Variants in PIP5K1A observed in about 807,000 individuals in gnomAD.
PIP5K1A encodes phosphatidylinositol-4-phosphate 5-kinase type 1 alpha.
Under a neutral mutation model 72.9 loss-of-function variants are expected in PIP5K1A, and 46 were observed. That is an observed-to-expected ratio of 0.63 (90% CI 0.50 to 0.81). The LOEUF (loss-of-function observed/expected upper bound fraction) is 0.81, where lower values mean the gene tolerates loss of function less well. PIP5K1A is among the 30% of genes least tolerant of loss of function. PIP5K1A has a pLI of 0.00. For missense variants in PIP5K1A, 458 were observed against 706.1 expected (o/e 0.65, Z 3.98); for synonymous variants, 228 against 255.1 (o/e 0.89, Z 1.01).
chr1:151,203,987 T>C (rs1685574660), intron 1 of PIP5K1A, among the ~76,000 whole-genome samples: 1 of 152,160 alleles, frequency 6.6e-6, no homozygotes, highest in South Asian at 2.1e-4. Context: ...GCTGCTTACC[T>C]GACTTTTTCT....
chr1:151,232,182 T>C (rs1308506546), intron 5 of PIP5K1A, 66 bp from the exon 6 acceptor site: 2 of 1,074,278 alleles, frequency 1.9e-6, no homozygotes, highest in Non-Finnish European at 2.9e-6. Context: ...CTGAGTGTCT[T>C]CGCAAGGTAG....
At chr1:151,224,983 G>A (rs1304780501) in intron 3 of PIP5K1A, among the ~76,000 whole-genome samples, 1 of 152,120 alleles carries the variant, frequency 6.6e-6, no homozygotes, top group African/African-American at 2.4e-5. Context: ...TATACTGAGA[G>A]TTTTCTGGTA....
intron 3 of PIP5K1A, among the ~76,000 whole-genome samples, chr1:151,226,571 G>A (rs146024665): frequency 1.8e-4 from 27 of 151,874 alleles, no homozygotes; most frequent in African/African-American, 5.8e-4. Flanking sequence ...AAATTAGCTG[G>A]GTGTGGTGGT....
intron 14 of PIP5K1A, among the ~76,000 whole-genome samples, chr1:151,244,789 C>T (rs932682248): frequency 6.6e-6 from 1 of 152,170 alleles, no homozygotes; most frequent in African/African-American, 2.4e-5. Flanking sequence ...ACCAGTCCCC[C>T]ACAGATATTG....
chr1:151,243,833 C>G (rs942235698), intron 14 of PIP5K1A, among the ~76,000 whole-genome samples: 18 of 152,084 alleles, frequency 1.2e-4, no homozygotes, highest in African/African-American at 4.1e-4. Context: ...GGGATTTACT[C>G]CATTAGACAA....
chr1:151,224,355 T>G lies in PIP5K1A; in HGVS notation c.121-16T>G, dbSNP rs749634205. On this transcript the variant is annotated splice_polypyrimidine_tract_variant and intron_variant, in intron 2 of 15. Transcript: ENST00000368888. ...AAGGAACCTGTTTATGACATTTTTATTTTTTCTCTACTTAGGTCTTGGAAG... is the reference window on the plus strand; with the variant it reads ...AAGGAACCTGTTTATGACATTTTTAGTTTTTCTCTACTTAGGTCTTGGAAG... 1 of 1,610,582 alleles carries G rather than the reference T, an allele frequency of 6.2e-7. No homozygotes were observed. Among genetic ancestry groups the G allele is most frequent in the Admixed American group, 1.7e-5 (1 of 60,002 alleles).
rs587624278 is a variant in PIP5K1A, at chr1:151,227,688, C to T, written c.237+288C>T. Among the ~76,000 whole-genome samples the T allele has an allele frequency of 3.9e-5, 6 of 152,226 alleles. No individual in the cohort carries two copies. In the South Asian group the frequency reaches 1.2e-3, roughly 32 times the overall value. On this transcript the variant is annotated intron_variant, in intron 4 of 15. Transcript: ENST00000368888. Reference sequence around the variant, plus strand: ...GGCAGATCATTTTAGGCCAGGAGTTCAAGACCAACCTGGCCAACATGATGA... The same window carrying T: ...GGCAGATCATTTTAGGCCAGGAGTTTAAGACCAACCTGGCCAACATGATGA...
At chr1:151,228,511 T>A (rs951813312) in intron 4 of PIP5K1A, among the ~76,000 whole-genome samples, 3 of 152,164 alleles carry the variant, frequency 2.0e-5, no homozygotes, top group African/African-American at 7.2e-5. Flanking sequence ...ATCTGCTTTT[T>A]TGAGCTCTGA....
chr1:151,231,489 G>A (rs1690065327), intron 4 of PIP5K1A, among the ~76,000 whole-genome samples, 182 bp from the exon 5 acceptor site: 1 of 152,144 alleles, frequency 6.6e-6, no homozygotes, highest in South Asian at 2.1e-4. Context: ...TCTTTACTAA[G>A]CTTAATTGCA....
chr1:151,232,709 G>GT lies in PIP5K1A; in HGVS notation c.639+6_639+7insT. ...TGCTTCCAGGATACTACATGGTAAG[G>GT]GAGAGAGAAGCACTGTCCACCTGTG... On this transcript the variant is annotated splice_region_variant and intron_variant, in intron 7 of 15. Transcript: ENST00000368888. 6.2e-7 allele frequency: 1 copy of GT among 1,612,924 alleles called. No homozygotes were observed. The highest frequency in any genetic ancestry group is 1.1e-5 in the South Asian group (1 of 91,002).
At chr1:151,238,306 C>A in intron 10 of PIP5K1A, 41 bp downstream of exon 10, 2 of 1,291,724 alleles carry the variant, frequency 1.5e-6, no homozygotes, top group Non-Finnish European at 2.3e-6. Context: ...AGGGTGGATA[C>A]AGATAACCAG....
In PIP5K1A at chr1:151,246,914, T is replaced by C; in HGVS notation, c.1641-6T>C. 6.2e-7 allele frequency: 1 copy of C among 1,610,628 alleles called. No individual in the cohort carries two copies. Among genetic ancestry groups the C allele is most frequent in the Non-Finnish European group, 8.5e-7 (1 of 1,177,130 alleles). On this transcript the variant is annotated splice_region_variant and splice_polypyrimidine_tract_variant and intron_variant, in intron 14 of 15. Transcript: ENST00000368888. ...CTCTCTGCTTCCATTTTTTTTCTCC[T>C]GTTAGTACAACCTTGGAAAAGCTTG...
intron 1 of PIP5K1A, among the ~76,000 whole-genome samples, chr1:151,223,500 C>G (rs587683430): frequency 6.6e-6 from 1 of 151,682 alleles, no homozygotes; most frequent in South Asian, 2.1e-4. Context: ...AAAAAATTAG[C>G]CAGGCGTGAT....
intron 1 of PIP5K1A, among the ~76,000 whole-genome samples, chr1:151,215,031 T>C (rs927860032): frequency 6.7e-6 from 1 of 149,032 alleles, no homozygotes; most frequent in Non-Finnish European, 1.5e-5. Flanking sequence ...GCATTCTTTT[T>C]TTTTTTTTTT....
In PIP5K1A at chr1:151,246,955, A is replaced by C. The variant is rs775031654; in HGVS notation, c.1676A>C (p.Glu559Ala). The change falls in exon 15 of 16, where the codon GAG becomes GCG. Residue 559 changes from glutamate to alanine, a missense_variant. Glu to Ala is a moderately radical substitution (Grantham distance 107, BLOSUM62 -1). Transcript: ENST00000368888. The stretch of plus-strand genomic sequence containing the variant: ...GAAAAGCTTGAAGTTGCAGAGTCAG[A>C]GTTCACCCATGTGAGTATCTGGGAT... ...TLEKLEVAES[E>A]FTH 13 of 1,613,350 alleles carry C rather than the reference A, an allele frequency of 8.1e-6. No homozygotes were observed. In the African/African-American group the frequency reaches 1.3e-4, roughly 17 times the overall value.
upstream of PIP5K1A, among the ~76,000 whole-genome samples, chr1:151,196,805 C>A (rs1684587481): frequency 6.6e-6 from 1 of 151,524 alleles, no homozygotes; most frequent in African/African-American, 2.4e-5. Context: ...AGGTGATCCG[C>A]CCGCCTCGGC....
At chr1:151,201,330 A>T (rs1402901705) in intron 1 of PIP5K1A, among the ~76,000 whole-genome samples, 3 of 151,802 alleles carry the variant, frequency 2.0e-5, no homozygotes, top group Non-Finnish European at 4.4e-5. Context: ...AACAGTTAAT[A>T]ATACAGATTG....
At chr1:151,243,349 G>A (rs1558303747) in intron 14 of PIP5K1A, among the ~76,000 whole-genome samples, 1 of 152,196 alleles carries the variant, frequency 6.6e-6, no homozygotes, top group Non-Finnish European at 1.5e-5. Context: ...CTTAAGCACA[G>A]CTCCTCAAGT....
rs587771762 is a variant in PIP5K1A at position 151,246,516 on chromosome 1, T to C, written c.1641-404T>C. Among the ~76,000 whole-genome samples the C allele has an allele frequency of 5.9e-5, 9 of 152,288 alleles. No individual in the cohort carries two copies. In the South Asian group the frequency reaches 1.9e-3, roughly 32 times the overall value. ...GTCCAAGAAGAAGATACAGTATTTT[T>C]GTAATCTAATCTCAGAATGGACATT... On this transcript the variant is annotated intron_variant, in intron 14 of 15. Coordinates refer to ENST00000368888, the MANE Select transcript of PIP5K1A (RefSeq NM_001135638.2).
Sources: allele counts gnomAD v4.1 joint callset (sites outside exome capture counted in the v4.1 genomes callset), GRCh38; gene constraint gnomAD v4.1.1; transcripts MANE v1.5; gene names NCBI Gene and HGNC (gene_info 2026-07-23, HGNC 2026-07-21).